Variants in PLOD2 observed in about 807,000 individuals in gnomAD.
The protein encoded by PLOD2 is lysine hydroxylase 2.
In PLOD2, 65 loss-of-function variants were observed where a neutral mutation model predicts 101.0. The observed-to-expected ratio is 0.64, with a 90% CI of 0.53 to 0.79. PLOD2 has a LOEUF of 0.79. Among genes scored for constraint, PLOD2 ranks in the 30% least tolerant of loss-of-function variants. The pLI, the probability that PLOD2 is intolerant of heterozygous loss-of-function variation, is 0.00. For missense variants in PLOD2, 909 were observed against 914.6 expected (o/e 0.99, Z 0.08); for synonymous variants, 314 against 302.9 (o/e 1.04, Z -0.38).
intron 4 of PLOD2, among the ~76,000 whole-genome samples, chr3:146,109,866 A>G (rs979587932): frequency 5.3e-5 from 8 of 152,204 alleles, no homozygotes; most frequent in Non-Finnish European, 4.4e-5. Context: ...AAAATCAGAT[A>G]ATATTAAGTA....
intron 1 of PLOD2, among the ~76,000 whole-genome samples, chr3:146,131,518 T>C (rs983274380): frequency 1.3e-5 from 2 of 152,188 alleles, no homozygotes; most frequent in African/African-American, 2.4e-5. Flanking sequence ...AAAATAAGTA[T>C]TTGGTACATA....
chr3:146,149,583 A>T (rs57327675), intron 1 of PLOD2, among the ~76,000 whole-genome samples: 48,543 of 150,680 alleles, frequency 0.32, 7,984 homozygotes, highest in South Asian at 0.41. Context: ...TTCATTTTTT[A>T]AAAAAATATG....
intron 1 of PLOD2, among the ~76,000 whole-genome samples, chr3:146,134,025 T>C (rs2031082369): frequency 6.6e-6 from 1 of 152,158 alleles, no homozygotes; most frequent in South Asian, 2.1e-4. Context: ...AGCAATCACA[T>C]CATTACTGAA....
At chr3:146,130,840 TA>T (rs1204969051) in intron 1 of PLOD2, among the ~76,000 whole-genome samples, 2 of 152,144 alleles carry the variant, frequency 1.3e-5, no homozygotes, top group Admixed American at 6.5e-5. Context: ...GATAGCAACT[TA>T]AGACTTCTAT....
intron 1 of PLOD2, among the ~76,000 whole-genome samples, chr3:146,142,284 A>C (rs2031560361): frequency 1.3e-5 from 2 of 152,040 alleles, no homozygotes; most frequent in East Asian, 3.9e-4. Flanking sequence ...ATACGAATGC[A>C]GTGTTTTCTT....
Position 146,085,291 on chromosome 3 carries a change from A to T in PLOD2, c.1128-18T>A, listed in dbSNP as rs1936721517. 8.3e-7 allele frequency: 1 copy of T among 1,198,542 alleles called. No homozygotes were observed. The highest frequency in any genetic ancestry group is 1.2e-6 in the Non-Finnish European group (1 of 800,896). The allele number at this position is 1,198,542 out of a possible 1,614,324, so 74.2% of individuals were successfully genotyped here. A position where few individuals can be genotyped will look rare whatever the true frequency, so the allele number is the denominator to read the frequency against. On this transcript the variant is annotated intron_variant, in intron 10 of 19. Coordinates refer to ENST00000282903, the MANE Select transcript of PLOD2 (RefSeq NM_182943.3). ...AAAAGTCCCTAACAGTGAAAAAGAAAATGAAATGGGCATGACATAAAATAA... is the reference window on the plus strand; with the variant it reads ...AAAAGTCCCTAACAGTGAAAAAGAATATGAAATGGGCATGACATAAAATAA...
At chr3:146,072,477 A>G (rs1936178952) in intron 17 of PLOD2, 84 bp downstream of exon 17, 1 of 878,724 alleles carries the variant, frequency 1.1e-6, no homozygotes, top group Non-Finnish European at 1.9e-6. Flanking sequence ...CATATGAGAA[A>G]AAGTATATAA....
chr3:146,081,492 A>G (rs1936539048), intron 12 of PLOD2, among the ~76,000 whole-genome samples: 1 of 152,162 alleles, frequency 6.6e-6, no homozygotes, highest in South Asian at 2.1e-4. Flanking sequence ...TGGTAAACAT[A>G]TATTATCTCT....
chr3:146,112,723 C>A (rs1027623585), intron 3 of PLOD2, among the ~76,000 whole-genome samples: 3 of 151,658 alleles, frequency 2.0e-5, no homozygotes, highest in South Asian at 4.2e-4. Flanking sequence ...TGGTGATGTG[C>A]GCCTGTAATC....
At chr3:146,095,459 AG>A (rs1937116696) in intron 7 of PLOD2, among the ~76,000 whole-genome samples, 1 of 152,162 alleles carries the variant, frequency 6.6e-6, no homozygotes, top group Non-Finnish European at 1.5e-5. Context: ...ATGAAAAAAA[AG>A]CTCATCATCA....
intron 4 of PLOD2, among the ~76,000 whole-genome samples, chr3:146,108,511 T>C (rs370893889): frequency 1.2e-4 from 19 of 152,336 alleles, no homozygotes; most frequent in African/African-American, 4.3e-4. Context: ...CTAAATAGTA[T>C]GCCCACAAAC....
Position 146,097,129 on chromosome 3 carries a change from G to A in PLOD2, c.778-5228C>T, listed in dbSNP as rs1476437837. ...GTCGCCCTGTCCAGGAGGGAGGTGGGGGGGTCAGCCCCCCGCCCGGCCAGC... is the reference window on the plus strand; with the variant it reads ...GTCGCCCTGTCCAGGAGGGAGGTGGAGGGGTCAGCCCCCCGCCCGGCCAGC... On this transcript the variant is annotated intron_variant, in intron 7 of 19. Coordinates refer to ENST00000282903, the MANE Select transcript of PLOD2 (RefSeq NM_182943.3). 1.3e-5 allele frequency among the ~76,000 whole-genome samples: 2 copies of A among 149,964 alleles called. 1 individual carries two copies. The highest frequency in any genetic ancestry group is 4.2e-4 in the South Asian group (2 of 4,760).
At chr3:146,138,234 T>C (rs1425252228) in intron 1 of PLOD2, among the ~76,000 whole-genome samples, 1 of 151,970 alleles carries the variant, frequency 6.6e-6, no homozygotes. Flanking sequence ...TGTTACTGTG[T>C]GCCTACTATG....
At chr3:146,076,565 T>G (rs1342763152) in intron 15 of PLOD2, 2 of 346,748 alleles carry the variant, frequency 5.8e-6, no homozygotes, top group Non-Finnish European at 1.0e-5. Context: ...GTACAAGCAT[T>G]CCCTTTTCTC....
chr3:146,122,555 A>G (rs961602669), intron 2 of PLOD2, among the ~76,000 whole-genome samples: 10 of 152,148 alleles, frequency 6.6e-5, no homozygotes, highest in Admixed American at 2.0e-4. Flanking sequence ...TTTGTAATTC[A>G]GTCGGTCTGA....
intron 1 of PLOD2, among the ~76,000 whole-genome samples, chr3:146,131,157 G>A (rs1185515339): frequency 3.3e-5 from 5 of 152,224 alleles, no homozygotes; most frequent in African/African-American, 7.2e-5. Flanking sequence ...CCAGTTAGTT[G>A]CTTGGAGAAT....
intron 1 of PLOD2, among the ~76,000 whole-genome samples, chr3:146,147,379 G>A (rs1486820620): frequency 6.6e-6 from 1 of 152,172 alleles, no homozygotes; most frequent in Non-Finnish European, 1.5e-5. Flanking sequence ...TATGAACAGA[G>A]TGCAAATTGG....
Position 146,134,068 on chromosome 3 carries a change from A to G in PLOD2, c.110-9839T>C, listed in dbSNP as rs1453673408. On this transcript the variant is annotated intron_variant, in intron 1 of 19. Coordinates refer to ENST00000282903, the MANE Select transcript of PLOD2 (RefSeq NM_182943.3). ...GGGATTGAGAATTTTTCTACATGAA[A>G]AAAAGAAGAAAGATTCACTATCTCC... 2.0e-5 allele frequency among the ~76,000 whole-genome samples: 3 copies of G among 152,186 alleles called. No homozygotes were observed. The East Asian group carries it at 5.8e-4, about 29-fold the overall frequency.
intron 10 of PLOD2, 102 bp downstream of exon 10, chr3:146,086,685 G>C (rs960654593): frequency 1.3e-6 from 1 of 779,006 alleles, no homozygotes; most frequent in African/African-American, 1.8e-5. Context: ...AATAGTTTGA[G>C]ACACCCAAAT....
Sources: allele counts gnomAD v4.1 joint callset (sites outside exome capture counted in the v4.1 genomes callset), GRCh38; gene constraint gnomAD v4.1.1; transcripts MANE v1.5; gene names NCBI Gene and HGNC (gene_info 2026-07-23, HGNC 2026-07-21).